ALS2CL: variants seen among roughly 807,000 people sequenced by gnomAD.
The protein encoded by ALS2CL is ALS2 C-terminal-like protein.
Under a neutral mutation model 127.9 loss-of-function variants are expected in ALS2CL, and 112 were observed. The ratio of observed to expected loss-of-function variants is 0.88; its 90% CI spans 0.75 to 1.02. The LOEUF (loss-of-function observed/expected upper bound fraction) is 1.02, where lower values mean the gene tolerates loss of function less well. Ranked by LOEUF, ALS2CL falls within the 50% of genes least tolerant of loss-of-function variation. The pLI, the probability that ALS2CL is intolerant of heterozygous loss-of-function variation, is 0.00. For synonymous variants in ALS2CL, 519 were observed against 527.6 expected (o/e 0.98, Z 0.22); for missense variants, 1,174 against 1,236.7 (o/e 0.95, Z 0.76).
intron 7 of ALS2CL, among the ~76,000 whole-genome samples, chr3:46,684,693 C>A (rs1699633652): frequency 6.6e-6 from 1 of 152,156 alleles, no homozygotes; most frequent in South Asian, 2.1e-4. Context: ...AGATGGCCCA[C>A]CAGACACAAC....
At chr3:46,690,268 G>A (rs1700076555) in intron 1 of ALS2CL, among the ~76,000 whole-genome samples, 1 of 152,372 alleles carries the variant, frequency 6.6e-6, no homozygotes, top group South Asian at 2.1e-4. Context: ...ATAGTGCCAG[G>A]CAGTGAGAGA....
intron 1 of ALS2CL, among the ~76,000 whole-genome samples, chr3:46,692,684 G>T (rs1039207743): frequency 4.6e-5 from 7 of 152,218 alleles, no homozygotes; most frequent in Non-Finnish European, 8.8e-5. Context: ...CTCACCACGG[G>T]GTGCGGTGGG....
At position 46,686,407 on chromosome 3, in the gene ALS2CL, T is replaced by G. The variant is rs1335061934; in HGVS notation, c.567A>C (p.Ala189=). 8 of 1,613,632 alleles carry G rather than the reference T, an allele frequency of 5.0e-6. No homozygotes were observed. The highest frequency in any genetic ancestry group is 6.8e-6 in the Non-Finnish European group (8 of 1,179,854). Reference sequence around the variant, plus strand: ...ACTGCAGGTTCCCAAAGAGGGTGACTGCGTTCACCACCAGCTCCCGGGTTG... The same window carrying G: ...ACTGCAGGTTCCCAAAGAGGGTGACGGCGTTCACCACCAGCTCCCGGGTTG... The part of the protein sequence containing the change: ...HHPTRELVVN[A]VTLFGNLQSF... Residue 189 remains alanine (A), a synonymous_variant, in exon 6 of 26, where the codon GCA becomes GCC. Coordinates refer to ENST00000318962, the MANE Select transcript of ALS2CL (RefSeq NM_147129.5). This position sits in a 1 kb window ranked among gnomAD's most constrained non-coding sequence, Gnocchi z 4.3.
intron 10 of ALS2CL, 102 bp downstream of exon 10, chr3:46,683,028 G>T: frequency 8.0e-7 from 1 of 1,256,176 alleles, no homozygotes; most frequent in Non-Finnish European, 1.1e-6. Flanking sequence ...GAGAGTAACC[G>T]CTCCTGGAAC....
chr3:46,675,932 A>C, intron 19 of ALS2CL: 2 of 1,427,104 alleles, frequency 1.4e-6, no homozygotes, highest in Non-Finnish European at 1.8e-6. Context: ...GTCACAGCCC[A>C]GCCTGGGACT....
chr3:46,675,777 C>T (rs1698767311), intron 19 of ALS2CL, 91 bp from the exon 20 acceptor site: 1 of 1,594,534 alleles, frequency 6.3e-7, no homozygotes, highest in Non-Finnish European at 8.5e-7. Context: ...AGCAGGTGGC[C>T]TCTCAGAACT....
intron 16 of ALS2CL, chr3:46,677,602 A>G (rs1017888499): frequency 2.4e-5 from 4 of 170,010 alleles, no homozygotes; most frequent in Admixed American, 2.3e-4. Flanking sequence ...ACAGCGGGCC[A>G]AGTAGTCAAC....
rs756944507 is a variant in ALS2CL, at chr3:46,688,167, G to A, written c.233C>T (p.Pro78Leu). ...CAGGGACTCCAGACCGGTGGAGTCC[G>A]GGTAACGCAGCCTCTCCTGCAGTGA... Reference protein sequence around the residue: ...LHSLQERLRYPDSTGLESLLL... With the variant: ...LHSLQERLRYLDSTGLESLLL... Residue 78 changes from proline (P) to leucine (L), a missense_variant, in exon 3 of 26, where the codon CCG becomes CTG. By Grantham distance (98) the Pro-to-Leu change is moderately conservative (BLOSUM62 -3). Transcript: ENST00000318962. 18 of 1,613,034 alleles carry A rather than the reference G, an allele frequency of 1.1e-5. No homozygotes were observed. The highest frequency in any genetic ancestry group is 1.7e-5 in the Admixed American group (1 of 60,014).
chr3:46,687,555 C>T lies in ALS2CL; in HGVS notation c.368+64G>A, dbSNP rs547987611. 2.0e-5 allele frequency: 32 copies of T among 1,574,238 alleles called. No individual in the cohort carries two copies. In the East Asian group the frequency reaches 3.8e-4, roughly 19 times the overall value. On this transcript the variant is annotated intron_variant, in intron 4 of 25. Coordinates refer to ENST00000318962, the MANE Select transcript of ALS2CL (RefSeq NM_147129.5). ...TGCTGCTCTGGGGAGGGGGCTTCCC[C>T]GACCCCACCCTCACTCAGGCACTCC...
chr3:46,679,408 G>C (rs971828973), intron 14 of ALS2CL, 121 bp from the exon 15 acceptor site: 1 of 865,746 alleles, frequency 1.2e-6, no homozygotes, highest in Non-Finnish European at 1.8e-6. Context: ...GAGGGGCCCT[G>C]AGCCTCATCA....
rs115378977 is a variant in ALS2CL, at chr3:46,682,803, C to T, written c.1109+327G>A. ...CGATGGAGATAGAATGTGTGCAAGC[C>T]ATTTCAACACTGCCAGACAATGAGG... On this transcript the variant is annotated intron_variant, in intron 10 of 25. Transcript: ENST00000318962. Among the ~76,000 whole-genome samples, 1,278 of 152,346 alleles carry T rather than the reference C, an allele frequency of 8.4e-3. 27 individuals carry two copies. Among genetic ancestry groups the T allele is most frequent in the African/African-American group, 0.029 (1,216 of 41,574 alleles).
At position 46,676,739 on chromosome 3, in the gene ALS2CL, C is replaced by T; in HGVS notation, c.1932-1G>A. On this transcript the variant is annotated splice_acceptor_variant, in intron 17 of 25. Transcript: ENST00000318962. LOFTEE classifies it high-confidence loss of function. Reference sequence around the variant, plus strand: ...GCCCACACTGTCCTCAGGGTGGGTCCTGGGCACCACACACAGCATCCCTCA... The same window carrying T: ...GCCCACACTGTCCTCAGGGTGGGTCTTGGGCACCACACACAGCATCCCTCA... 1 of 1,613,652 alleles carries T rather than the reference C, an allele frequency of 6.2e-7. No individual in the cohort carries two copies. The highest frequency in any genetic ancestry group is 1.6e-4 in the Middle Eastern group (1 of 6,062).
intron 20 of ALS2CL, chr3:46,675,341 G>A: frequency 2.4e-6 from 1 of 425,002 alleles, no homozygotes; most frequent in East Asian, 4.3e-5. Context: ...GCCTCGGGGA[G>A]CTACTCACCT....
intron 24 of ALS2CL, 25 bp downstream of exon 24, chr3:46,671,859 C>T (rs201078929): frequency 1.2e-6 from 2 of 1,612,414 alleles, no homozygotes; most frequent in Non-Finnish European, 8.5e-7. Flanking sequence ...CCCTGCCCTG[C>T]ACCCCCAGCT....
chr3:46,685,386 C>A, intron 7 of ALS2CL, 139 bp downstream of exon 7: 1 of 1,412,522 alleles, frequency 7.1e-7, no homozygotes, highest in East Asian at 2.4e-5. Context: ...CCCTCCCCAA[C>A]ACAACGCCTT....
rs186445413 is a variant in ALS2CL at position 46,678,191 on chromosome 3, G to C, written c.1757+68C>G. 168 of 1,461,892 alleles carry C rather than the reference G, an allele frequency of 1.1e-4. No individual in the cohort carries two copies. In the Middle Eastern group the frequency reaches 2.5e-3, roughly 22 times the overall value. The allele number at this position is 1,461,892 out of a possible 1,614,324, so 90.6% of individuals were successfully genotyped here. ...CAAAAAGGCCCCTCTGAGGAGACCT[G>C]AGTCTTTGGGATGGAAACACAGACA... On this transcript the variant is annotated intron_variant, in intron 16 of 25. Transcript: ENST00000318962.
chr3:46,687,959 G>T, intron 3 of ALS2CL, 139 bp downstream of exon 3: 1 of 1,113,992 alleles, frequency 9.0e-7, no homozygotes. Context: ...GCTGAACCCA[G>T]GTGAGCACCA....
chr3:46,680,595 C>T, intron 13 of ALS2CL, 54 bp from the exon 14 acceptor site: 3 of 1,539,186 alleles, frequency 1.9e-6, no homozygotes, highest in Non-Finnish European at 2.7e-6. Context: ...CCATGTACCT[C>T]CTGGGCACTC....
intron 7 of ALS2CL, among the ~76,000 whole-genome samples, chr3:46,684,901 T>C (rs1266100130): frequency 6.6e-6 from 1 of 152,190 alleles, no homozygotes; most frequent in Non-Finnish European, 1.5e-5. Context: ...GCCACCTGTC[T>C]GCAAGGGGGT....
Sources: allele counts gnomAD v4.1 joint callset (sites outside exome capture counted in the v4.1 genomes callset), GRCh38; gene constraint gnomAD v4.1.1; non-coding constraint Gnocchi (gnomAD v3.1); transcripts MANE v1.5; gene names NCBI Gene and HGNC (gene_info 2026-07-23, HGNC 2026-07-21).